The following NAGS variants were observed in gnomAD, a reference collection of about 807,000 sequenced individuals.
NAGS encodes N-acetylglutamate synthase.
NAGS carries 34 observed loss-of-function variants against 46.9 expected under a neutral mutation model. The observed-to-expected ratio is 0.72, with a 90% CI of 0.55 to 0.97. The LOEUF (loss-of-function observed/expected upper bound fraction) is 0.97, where lower values mean the gene tolerates loss of function less well. NAGS is among the 50% of genes least tolerant of loss of function. The probability of loss-of-function intolerance (pLI) is 0.00; values close to 1 mark genes in which losing one functional copy is unlikely to be tolerated. For synonymous variants in NAGS, 334 were observed against 346.3 expected, an observed-to-expected ratio of 0.96 and a Z score of 0.39; for missense variants, 665 against 747.0, an observed-to-expected ratio of 0.89 and a Z score of 1.28.
Position 44,006,102 on chromosome 17 carries a change from C to G in NAGS, c.780C>G (p.Pro260=). ...CGGGCAGCATCCCCATCCTGTGCCC[C>G]ATCGGGGAGACGGCCGCGCGCCGCT... ...LESGSIPILC[P]IGETAARRSV... is the part of the protein sequence containing the mutation. The change falls in exon 3 of 7, where the codon CCC becomes CCG. Residue 260 remains proline, a synonymous_variant. Transcript: ENST00000293404. This position sits in a 1 kb window ranked among gnomAD's most constrained non-coding sequence, Gnocchi z 4.8. The G allele has an allele frequency of 6.2e-7, 1 of 1,612,910 alleles. No individual in the cohort carries two copies. Among genetic ancestry groups the G allele is most frequent in the Non-Finnish European group, 8.5e-7 (1 of 1,179,838 alleles).
Position 44,007,351 on chromosome 17 carries a change from G to C in NAGS, c.1125G>C (p.Glu375Asp). 6.2e-7 allele frequency: 1 copy of C among 1,613,960 alleles called. No homozygotes were observed. Among genetic ancestry groups the C allele is most frequent in the Non-Finnish European group, 8.5e-7 (1 of 1,179,954 alleles). Residue 375 changes from glutamate to aspartate, a missense_variant, in exon 5 of 7, where the codon GAG becomes GAC. Physicochemically the swap from Glu to Asp is conservative, Grantham distance 45. Transcript: ENST00000293404. The surrounding 1 kb of genome is among the most constrained non-coding windows in gnomAD (Gnocchi z 5.1). The stretch of plus-strand genomic sequence containing the variant: ...CCGGGACCCTGTTCAAGAACGCCGA[G>C]CGAATGCTACGGGTGCGCAGCCTGG... ...KGSGTLFKNA[E>D]RMLRVRSLDK...
chr17:44,006,552 C>G lies in NAGS; in HGVS notation c.939C>G (p.Pro313=). 1 of 1,561,632 alleles carries G rather than the reference C, an allele frequency of 6.4e-7. No homozygotes were observed. Residue 313 remains proline (P), a synonymous_variant, in exon 4 of 7, where the codon CCC becomes CCG. Transcript: ENST00000293404. This position sits in a 1 kb window ranked among gnomAD's most constrained non-coding sequence, Gnocchi z 4.8. ...SHKVLSNVNL[P]ADLDLVCNAE... ...AGGTCCTGAGTAACGTGAACCTGCC[C>G]GCCGACCTGGACCTGGTGTGCAACG...
chr17:44,005,916 G>GTGCCCGCCC lies in NAGS; in HGVS notation c.701+15_701+23dup, dbSNP rs2049082397. On this transcript the variant is annotated splice_donor_region_variant and intron_variant, in intron 2 of 6. Coordinates refer to ENST00000293404, the MANE Select transcript of NAGS (RefSeq NM_153006.3). The surrounding 1 kb of genome is among the most constrained non-coding windows in gnomAD (Gnocchi z 7.2). The stretch of plus-strand genomic sequence containing the variant: ...CGAGCCGGCTCCCCATGCCAGGTGA[G>GTGCCCGCCC]TGCCCGCCCTGCCCGCCCAGGCGTC... The GTGCCCGCCC allele has an allele frequency of 1.3e-6, 2 of 1,548,234 alleles. No homozygotes were observed. Among genetic ancestry groups the GTGCCCGCCC allele is most frequent in the Non-Finnish European group, 8.7e-7 (1 of 1,150,962 alleles).
In NAGS at chr17:44,008,817, CA is replaced by C; in HGVS notation, c.*217del. On this transcript the variant is annotated 3_prime_UTR_variant, in exon 7 of 7. Transcript: ENST00000293404. ...ACCAGTCTAGGACCCCAACTCGACT[CA>C]CTCTAAAGCTACAACCAAATGGCCT... is the stretch of plus-strand genomic sequence containing the variant. The C allele has an allele frequency of 1.6e-6, 1 of 629,084 alleles. No homozygotes were observed. Among genetic ancestry groups the C allele is most frequent in the Admixed American group, 2.8e-5 (1 of 35,782 alleles). 39.0% of individuals were successfully genotyped at this position (629,084 alleles called of 1,614,324 possible). A position where few individuals can be genotyped will look rare whatever the true frequency, so the allele number is the denominator to read the frequency against.
At position 44,005,733 on chromosome 17, in the gene NAGS, C is replaced by A. The variant is rs1273610889; in HGVS notation, c.523C>A (p.Leu175Met). ...CATGGACATGAAGCCGCTGGTGGTCCTGGGGCTGCCGGCCCCTACGGCTCC... is the reference window on the plus strand; with the variant it reads ...CATGGACATGAAGCCGCTGGTGGTCATGGGGCTGCCGGCCCCTACGGCTCC... ...QRMDMKPLVVLGLPAPTAPSG... is the reference protein window; with the variant it reads ...QRMDMKPLVVMGLPAPTAPSG... The change falls in exon 2 of 7, where the codon CTG (leucine) becomes ATG (methionine). Residue 175 changes from leucine to methionine, a missense_variant. Physicochemically the swap from Leu to Met is conservative, Grantham distance 15 (BLOSUM62 2). Coordinates refer to ENST00000293404, the MANE Select transcript of NAGS (RefSeq NM_153006.3). This position sits in a 1 kb window ranked among gnomAD's most constrained non-coding sequence, Gnocchi z 7.2. The A allele has an allele frequency of 6.3e-7, 1 of 1,593,614 alleles. No individual in the cohort carries two copies. The highest frequency in any genetic ancestry group is 1.8e-5 in the Admixed American group (1 of 56,622).
rs1333638003 is a variant in NAGS at position 44,008,745 on chromosome 17, C to G, written c.*144C>G. 1.8e-6 allele frequency: 2 copies of G among 1,134,496 alleles called. No individual in the cohort carries two copies. Among genetic ancestry groups the G allele is most frequent in the South Asian group, 2.5e-5 (2 of 78,750 alleles). The allele number at this position is 1,134,496 out of a possible 1,614,324, so 70.3% of individuals were successfully genotyped here. A position where few individuals can be genotyped will look rare whatever the true frequency, so the allele number is the denominator to read the frequency against. ...TGCAGAGGAGAAAGCAGCCCCAGCT[C>G]TGCCCAGAGGAGGCGCTGAAGTGGG... On this transcript the variant is annotated 3_prime_UTR_variant, in exon 7 of 7. Coordinates refer to ENST00000293404, the MANE Select transcript of NAGS (RefSeq NM_153006.3).
chr17:44,005,307 G>A lies in NAGS; in HGVS notation c.426+218G>A, dbSNP rs1257628113. Among the ~76,000 whole-genome samples the A allele has an allele frequency of 6.6e-6, 1 of 152,210 alleles. No individual in the cohort carries two copies. The highest frequency in any genetic ancestry group is 1.5e-5 in the Non-Finnish European group (1 of 68,028). On this transcript the variant is annotated intron_variant, in intron 1 of 6. Coordinates refer to ENST00000293404, the MANE Select transcript of NAGS (RefSeq NM_153006.3). The surrounding 1 kb of genome is among the most constrained non-coding windows in gnomAD (Gnocchi z 7.2). ...GTGAGGATCCTGGGGGACCCCACCC[G>A]CCAGGTGTGATGCTCTGAAGAAGGC...
In NAGS at chr17:44,004,743, G is replaced by T. The variant is rs755538430; in HGVS notation, c.80G>T (p.Gly27Val). The T allele has an allele frequency of 2.1e-6, 3 of 1,459,680 alleles. No individual in the cohort carries two copies. Among genetic ancestry groups the T allele is most frequent in the Non-Finnish European group, 2.7e-6 (3 of 1,106,626 alleles). The allele number at this position is 1,459,680 out of a possible 1,614,324, so 90.4% of individuals were successfully genotyped here. Residue 27 changes from glycine to valine, a missense_variant, in exon 1 of 7, where the codon GGC becomes GTC. Gly to Val is a moderately radical substitution (Grantham distance 109). Coordinates refer to ENST00000293404, the MANE Select transcript of NAGS (RefSeq NM_153006.3). ...PRLRGRGGTG[G>V]ARRLSCGARR... is the part of the protein sequence containing the mutation. Reference sequence around the variant, plus strand: ...CTGAGAGGCCGGGGAGGCACTGGGGGCGCCCGAAGGCTGAGCTGTGGCGCG... The same window carrying T: ...CTGAGAGGCCGGGGAGGCACTGGGGTCGCCCGAAGGCTGAGCTGTGGCGCG...
Position 44,005,904 on chromosome 17 carries a change from C to A in NAGS, c.694C>A (p.His232Asn). The part of the protein sequence containing the change: ...SVLRAAEPAP[H>N]ASYGGIVSVE... ...GCTACGCGCTGCCGAGCCGGCTCCC[C>A]ATGCCAGGTGAGTGCCCGCCCTGCC... is the stretch of plus-strand genomic sequence containing the variant. Residue 232 changes from histidine to asparagine, a missense_variant, in exon 2 of 7, where the codon CAT becomes AAT. Coordinates refer to ENST00000293404, the MANE Select transcript of NAGS (RefSeq NM_153006.3). The surrounding 1 kb of genome is among the most constrained non-coding windows in gnomAD (Gnocchi z 7.2). 1 of 1,549,034 alleles carries A rather than the reference C, an allele frequency of 6.5e-7. No individual in the cohort carries two copies. The highest frequency in any genetic ancestry group is 2.4e-5 in the East Asian group (1 of 41,476).
Position 44,005,627 on chromosome 17 carries a change from T to C in NAGS, c.427-10T>C. The C allele has an allele frequency of 6.2e-7, 1 of 1,610,082 alleles. No individual in the cohort carries two copies. Among genetic ancestry groups the C allele is most frequent in the Non-Finnish European group, 8.5e-7 (1 of 1,178,698 alleles). On this transcript the variant is annotated splice_polypyrimidine_tract_variant and intron_variant, in intron 1 of 6. Transcript: ENST00000293404. This position sits in a 1 kb window ranked among gnomAD's most constrained non-coding sequence, Gnocchi z 7.2. ...CGTGTCACGCTCCTTGAAAGCCCAC[T>C]CCTCCGCAGGTGGACGAGGAGGTGC...
chr17:44,007,833 T>C lies in NAGS; in HGVS notation c.1451+60T>C. The C allele has an allele frequency of 2.0e-6, 3 of 1,520,958 alleles. No homozygotes were observed. Among genetic ancestry groups the C allele is most frequent in the Non-Finnish European group, 2.7e-6 (3 of 1,118,612 alleles). 94.2% of individuals were successfully genotyped at this position (1,520,958 alleles called of 1,614,324 possible). ...CTGACTTCCCTCCCCTCTCCCACCCTTGCCAACCATGCCAAGAAGGCTGGG... is the reference window on the plus strand; with the variant it reads ...CTGACTTCCCTCCCCTCTCCCACCCCTGCCAACCATGCCAAGAAGGCTGGG... On this transcript the variant is annotated intron_variant, in intron 6 of 6. Transcript: ENST00000293404. This position sits in a 1 kb window ranked among gnomAD's most constrained non-coding sequence, Gnocchi z 5.1.
At position 44,006,663 on chromosome 17, in the gene NAGS, CAT is replaced by C; in HGVS notation, c.1051_1052del (p.Ile351HisfsTer4). The C allele has an allele frequency of 6.2e-7, 1 of 1,607,398 alleles. No homozygotes were observed. The highest frequency in any genetic ancestry group is 8.5e-7 in the Non-Finnish European group (1 of 1,176,408). On this transcript the variant is annotated frameshift_variant, in exon 4 of 7. Coordinates refer to ENST00000293404, the MANE Select transcript of NAGS (RefSeq NM_153006.3). LOFTEE classifies it high-confidence loss of function. The surrounding 1 kb of genome is among the most constrained non-coding windows in gnomAD (Gnocchi z 4.8). ...GCCTGCCCCACCACTCCTCGGCCGT[CAT>C]CACCGCCGCTAGCACGCTGCTCACT... ...SRLPHHSSAVITAASTLLTEL... is the reference protein window; with the variant it reads ...SRLPHHSSAVXTAASTLLTEL...
chr17:44,004,734 G>T lies in NAGS; in HGVS notation c.71G>T (p.Gly24Val). The stretch of plus-strand genomic sequence containing the variant: ...GCCCCGAGGCTGAGAGGCCGGGGAG[G>T]CACTGGGGGCGCCCGAAGGCTGAGC... ...AVAPRLRGRG[G>V]TGGARRLSCG... is the part of the protein sequence containing the mutation. Residue 24 changes from glycine to valine, a missense_variant, in exon 1 of 7, where the codon GGC (glycine) becomes GTC (valine). Physicochemically the swap from Gly to Val is moderately radical, Grantham distance 109. Coordinates refer to ENST00000293404, the MANE Select transcript of NAGS (RefSeq NM_153006.3). 1 of 1,476,942 alleles carries T rather than the reference G, an allele frequency of 6.8e-7. No individual in the cohort carries two copies. 91.5% of individuals were successfully genotyped at this position (1,476,942 alleles called of 1,614,324 possible).
In NAGS at chr17:44,007,372, CCTGGACAAG is replaced by C; in HGVS notation, c.1153_1161del (p.Lys385_Asp387del). 7 of 1,613,916 alleles carry C rather than the reference CCTGGACAAG, an allele frequency of 4.3e-6. No homozygotes were observed. The highest frequency in any genetic ancestry group is 5.9e-6 in the Non-Finnish European group (7 of 1,180,002). On this transcript the variant is annotated inframe_deletion, in exon 5 of 7. Coordinates refer to ENST00000293404, the MANE Select transcript of NAGS (RefSeq NM_153006.3). The surrounding 1 kb of genome is among the most constrained non-coding windows in gnomAD (Gnocchi z 5.1). ...CCGAGCGAATGCTACGGGTGCGCAG[CCTGGACAAG>C]CTGGACCAGGGCCGTCTAGTGGACC...
intron 6 of NAGS, among the ~76,000 whole-genome samples, chr17:44,008,211 G>A (rs987841521): frequency 6.6e-6 from 1 of 152,174 alleles, no homozygotes; most frequent in South Asian, 2.1e-4. Flanking sequence ...TCCTGTGTGC[G>A]CCTGGCAAGG....
chr17:44,006,340 G>C lies in NAGS; in HGVS notation c.915+103G>C. 1 of 1,505,484 alleles carries C rather than the reference G, an allele frequency of 6.6e-7. No individual in the cohort carries two copies. Among genetic ancestry groups the C allele is most frequent in the South Asian group, 1.2e-5 (1 of 83,308 alleles). 93.3% of individuals were successfully genotyped at this position (1,505,484 alleles called of 1,614,324 possible). A position where few individuals can be genotyped will look rare whatever the true frequency, so the allele number is the denominator to read the frequency against. On this transcript the variant is annotated intron_variant, in intron 3 of 6. Transcript: ENST00000293404. The surrounding 1 kb of genome is among the most constrained non-coding windows in gnomAD (Gnocchi z 4.8). The stretch of plus-strand genomic sequence containing the variant: ...GGCCGCAGACTCACTAGCAAGCCGG[G>C]TGGGTAGAAAAGCCTAAGGGAGTAT...
intron 6 of NAGS, among the ~76,000 whole-genome samples, chr17:44,008,031 T>G (rs192679218): frequency 6.6e-6 from 1 of 151,894 alleles, no homozygotes; most frequent in East Asian, 1.9e-4. Flanking sequence ...TCCTAACCCT[T>G]CAGGGTCTAT....
chr17:44,005,530 G>A lies in NAGS; in HGVS notation c.427-107G>A, dbSNP rs1045678953. Reference sequence around the variant, plus strand: ...GCACTGGTGGCCAGAACTGGGTCCTGACAGCTTCTGGAAGGGTAGGGTCAC... The same window carrying A: ...GCACTGGTGGCCAGAACTGGGTCCTAACAGCTTCTGGAAGGGTAGGGTCAC... On this transcript the variant is annotated intron_variant, in intron 1 of 6. Coordinates refer to ENST00000293404, the MANE Select transcript of NAGS (RefSeq NM_153006.3). This position sits in a 1 kb window ranked among gnomAD's most constrained non-coding sequence, Gnocchi z 7.2. 4 of 1,485,344 alleles carry A rather than the reference G, an allele frequency of 2.7e-6. No individual in the cohort carries two copies. Among genetic ancestry groups the A allele is most frequent in the Admixed American group, 2.0e-5 (1 of 50,606 alleles). 92.0% of individuals were successfully genotyped at this position (1,485,344 alleles called of 1,614,324 possible).
In NAGS at chr17:44,007,250, T is replaced by A; in HGVS notation, c.1097-73T>A. 3 of 1,466,436 alleles carry A rather than the reference T, an allele frequency of 2.0e-6. No homozygotes were observed. Among genetic ancestry groups the A allele is most frequent in the Non-Finnish European group, 2.8e-6 (3 of 1,066,582 alleles). 90.8% of individuals were successfully genotyped at this position (1,466,436 alleles called of 1,614,324 possible). A position where few individuals can be genotyped will look rare whatever the true frequency, so the allele number is the denominator to read the frequency against. On this transcript the variant is annotated intron_variant, in intron 4 of 6. Coordinates refer to ENST00000293404, the MANE Select transcript of NAGS (RefSeq NM_153006.3). This position sits in a 1 kb window ranked among gnomAD's most constrained non-coding sequence, Gnocchi z 5.1. Reference sequence around the variant, plus strand: ...ACGGAAATTGTCCCACCAGCGCCTGTCCTACCTGCAGTCCCCACCAGGCTG... The same window carrying A: ...ACGGAAATTGTCCCACCAGCGCCTGACCTACCTGCAGTCCCCACCAGGCTG...
Sources: allele counts gnomAD v4.1 joint callset (sites outside exome capture counted in the v4.1 genomes callset), GRCh38; gene constraint gnomAD v4.1.1; non-coding constraint Gnocchi (gnomAD v3.1); transcripts MANE v1.5; gene names NCBI Gene and HGNC (gene_info 2026-07-23, HGNC 2026-07-21).